DYNLT1: variants seen among roughly 807,000 people sequenced by gnomAD.
DYNLT1 encodes the protein dynein light chain Tctex-type 1, also known as T-complex testis-specific protein 1 homolog.
A neutral mutation model predicts 19.6 loss-of-function variants in DYNLT1; 18 were observed. That is an observed-to-expected ratio of 0.92 (90% CI 0.64 to 1.36). DYNLT1 has a LOEUF of 1.36. Ranked by LOEUF, DYNLT1 falls within the 40% of genes most tolerant of loss-of-function variation. The pLI, the probability that DYNLT1 is intolerant of heterozygous loss-of-function variation, is 0.00. For synonymous variants in DYNLT1, 56 were observed against 44.0 expected (o/e 1.27, Z -1.07); for missense variants, 137 against 139.3 (o/e 0.98, Z 0.08).
At chr6:158,643,191 G>T (rs1364067924) in intron 1 of DYNLT1, among the ~76,000 whole-genome samples, 1 of 152,122 alleles carries the variant, frequency 6.6e-6, no homozygotes, top group African/African-American at 2.4e-5. Context: ...TTTACAAAGC[G>T]ATTTCTTTTT....
chr6:158,644,592 G>A (rs1330782558), intron 1 of DYNLT1, 90 bp downstream of exon 1: 5 of 1,497,958 alleles, frequency 3.3e-6, no homozygotes, highest in Non-Finnish European at 4.6e-6. Flanking sequence ...TGAAGGAGGT[G>A]GGCAGCCAGG....
intron 2 of DYNLT1, 30 bp from the exon 3 acceptor site, chr6:158,637,924 G>A: frequency 6.3e-7 from 1 of 1,597,090 alleles, no homozygotes; most frequent in Non-Finnish European, 8.5e-7. Flanking sequence ...GCGCGTCCCG[G>A]TTAACCAAAT....
intron 1 of DYNLT1, 41 bp downstream of exon 1, chr6:158,644,641 G>A (rs750166952): frequency 6.2e-7 from 1 of 1,610,256 alleles, no homozygotes; most frequent in Non-Finnish European, 8.5e-7. Flanking sequence ...CGCGGCCAGG[G>A]CTCTAGGCCT....
Position 158,644,718 on chromosome 6 carries a change from G to T in DYNLT1, c.-10C>A, listed in dbSNP as rs201989338. 2.5e-6 allele frequency: 4 copies of T among 1,611,240 alleles called. No homozygotes were observed. The Admixed American group carries it at 6.7e-5, about 27-fold the overall frequency. ...CCTGGTAGTCTTCCATCTTTCCTCCGGCGCGTCCCCTCCGGCTCCCTGAGT... is the reference window on the plus strand; with the variant it reads ...CCTGGTAGTCTTCCATCTTTCCTCCTGCGCGTCCCCTCCGGCTCCCTGAGT... On this transcript the variant is annotated 5_prime_UTR_variant, in exon 1 of 5. Coordinates refer to ENST00000367089, the MANE Select transcript of DYNLT1 (RefSeq NM_006519.4).
At chr6:158,641,715 G>A (rs1787138820) in intron 1 of DYNLT1, 2 of 158,448 alleles carry the variant, frequency 1.3e-5, no homozygotes, top group East Asian at 1.8e-4. Flanking sequence ...GGGATTACAG[G>A]TGCCCTCCAC....
chr6:158,640,120 T>C (rs1266397506), intron 2 of DYNLT1, among the ~76,000 whole-genome samples: 2 of 152,180 alleles, frequency 1.3e-5, no homozygotes, highest in Non-Finnish European at 2.9e-5. Context: ...TCCACCCACC[T>C]TCCTGCCCCC....
At chr6:158,641,118 ACTC>A (rs1236762341) in intron 2 of DYNLT1, among the ~76,000 whole-genome samples, 198 bp downstream of exon 2, 6 of 152,102 alleles carry the variant, frequency 3.9e-5, no homozygotes, top group African/African-American at 1.4e-4. Flanking sequence ...TGTACATAAA[ACTC>A]CTTATCTGAT....
chr6:158,643,475 T>A (rs1201810810), intron 1 of DYNLT1, among the ~76,000 whole-genome samples: 4 of 152,154 alleles, frequency 2.6e-5, no homozygotes, highest in Non-Finnish European at 4.4e-5. Flanking sequence ...TTAAACGAAA[T>A]TTTTTTCTTT....
At chr6:158,643,024 G>C (rs1365191353) in intron 1 of DYNLT1, among the ~76,000 whole-genome samples, 1 of 152,150 alleles carries the variant, frequency 6.6e-6, no homozygotes, top group Non-Finnish European at 1.5e-5. Flanking sequence ...GACAGCCATG[G>C]TCTCCACCTC....
At chr6:158,638,908 C>T (rs1787079240) in intron 2 of DYNLT1, among the ~76,000 whole-genome samples, 1 of 152,204 alleles carries the variant, frequency 6.6e-6, no homozygotes, top group East Asian at 1.9e-4. Context: ...GTCAGCTCCC[C>T]TTTCACATGG....
chr6:158,638,953 T>C (rs1787080012), intron 2 of DYNLT1, among the ~76,000 whole-genome samples: 1 of 152,226 alleles, frequency 6.6e-6, no homozygotes, highest in Admixed American at 6.5e-5. Flanking sequence ...AACTTTATTC[T>C]CTACCCCTAA....
intron 1 of DYNLT1, 43 bp downstream of exon 1, chr6:158,644,639 G>C (rs757172164): frequency 3.1e-6 from 5 of 1,609,942 alleles, no homozygotes; most frequent in Non-Finnish European, 3.4e-6. Context: ...TCCGCGGCCA[G>C]GGCTCTAGGC....
rs760885354 is a variant in DYNLT1 at position 158,636,835 on chromosome 6, A to T, written c.334T>A (p.Ser112Thr). 10 of 1,611,240 alleles carry T rather than the reference A, an allele frequency of 6.2e-6. 1 individual carries two copies. The South Asian group carries it at 1.1e-4, about 18-fold the overall frequency. The change falls in exon 5 of 5, where the codon TCT (serine) becomes ACT (threonine). Residue 112 changes from serine to threonine, a missense_variant. By Grantham distance (58) the Ser-to-Thr change is moderately conservative. Transcript: ENST00000367089. The stretch of plus-strand genomic sequence containing the variant: ...ATAGGCTGGACTGCAGGTCAAATAG[A>T]CAGTCCGAAGGCACTGACGATGCAG... ...MYCIVSAFGL[S>T]I
intron 1 of DYNLT1, 104 bp downstream of exon 1, chr6:158,644,578 T>C: frequency 4.3e-6 from 6 of 1,410,972 alleles, no homozygotes; most frequent in Non-Finnish European, 5.9e-6. Flanking sequence ...GAGACTGGCC[T>C]AGCTGAAGGA....
intron 2 of DYNLT1, among the ~76,000 whole-genome samples, chr6:158,638,700 G>T (rs1314054507): frequency 6.6e-6 from 1 of 152,148 alleles, no homozygotes; most frequent in Non-Finnish European, 1.5e-5. Flanking sequence ...TGATCCTCCT[G>T]CCTCAGCCTC....
chr6:158,642,583 G>A (rs1452647717), intron 1 of DYNLT1: 2 of 152,196 alleles, frequency 1.3e-5, no homozygotes, highest in Non-Finnish European at 2.9e-5. Flanking sequence ...GGGGGTTCAG[G>A]AGCTGACTGC....
rs756685903 is a variant in DYNLT1 at position 158,637,244 on chromosome 6, G to A, written c.194-39C>T. On this transcript the variant is annotated intron_variant, in intron 3 of 4. Coordinates refer to ENST00000367089, the MANE Select transcript of DYNLT1 (RefSeq NM_006519.4). ...AAATTTTTGTTAGAGAAGTCTACTG[G>A]GTAACACAAATGTCATTCTGTCCAC... 1.8e-5 allele frequency: 28 copies of A among 1,577,600 alleles called. No homozygotes were observed. The Admixed American group carries it at 2.0e-4, about 11-fold the overall frequency.
rs369110116 is a variant in DYNLT1 at position 158,636,819 on chromosome 6, A to T, written c.*8T>A. ...CAAAAGGAGAAAGGCCATAGGCTGG[A>T]CTGCAGGTCAAATAGACAGTCCGAA... On this transcript the variant is annotated 3_prime_UTR_variant, in exon 5 of 5. Transcript: ENST00000367089. 1.6e-5 allele frequency: 25 copies of T among 1,608,852 alleles called. No homozygotes were observed. The highest frequency in any genetic ancestry group is 2.0e-5 in the Non-Finnish European group (24 of 1,177,828).
chr6:158,638,624 C>T (rs1370319327), intron 2 of DYNLT1, among the ~76,000 whole-genome samples: 1 of 151,948 alleles, frequency 6.6e-6, no homozygotes, highest in African/African-American at 2.4e-5. Flanking sequence ...CCACGCCTGG[C>T]TAGTTTTTTG....
Sources: gnomAD v4.1 joint callset for allele counts (sites outside exome capture counted in the v4.1 genomes callset) on GRCh38, gnomAD v4.1.1 for gene constraint, MANE v1.5 for transcripts, NCBI Gene and HGNC (gene_info 2026-07-23, HGNC 2026-07-21) for gene names.